The following SRSF11 variants were observed in gnomAD, a reference collection of about 807,000 sequenced individuals.
SRSF11 encodes serine and arginine rich splicing factor 11, also known as serine/arginine-rich splicing factor 11.
In SRSF11, 9 loss-of-function variants were observed where a neutral mutation model predicts 56.0. The observed-to-expected ratio is 0.16, with a 90% CI of 0.10 to 0.28. The LOEUF is 0.28. Among genes scored for constraint, SRSF11 ranks in the 10% least tolerant of loss-of-function variants. The probability of loss-of-function intolerance (pLI) is 1.00; values close to 1 mark genes in which losing one functional copy is unlikely to be tolerated. For missense variants in SRSF11, 421 were observed against 600.7 expected, an observed-to-expected ratio of 0.70 and a Z score of 3.13; for synonymous variants, 222 against 215.3, an observed-to-expected ratio of 1.03 and a Z score of -0.27.
Position 70,221,559 on chromosome 1 carries a change from G to T in SRSF11, c.-78G>T, listed in dbSNP as rs1385973862. 2.0e-6 allele frequency: 3 copies of T among 1,519,022 alleles called. No homozygotes were observed. In the African/African-American group the frequency reaches 4.2e-5, roughly 21 times the overall value. The allele number at this position is 1,519,022 out of a possible 1,614,324, so 94.1% of individuals were successfully genotyped here. A position where few individuals can be genotyped will look rare whatever the true frequency, so the allele number is the denominator to read the frequency against. ...GACACCCTCCTCTCTCCCGCAATCC[G>T]GTTCCTCTTCCCCCTCCTTCTCACT... On this transcript the variant is annotated 5_prime_UTR_variant, in exon 1 of 12. Coordinates refer to ENST00000370949, the MANE Select transcript of SRSF11 (RefSeq NM_001350605.2).
At chr1:70,212,509 GGCCTCCCAA>G (rs1669652368) in intron 1 of SRSF11, among the ~76,000 whole-genome samples, 1 of 152,094 alleles carries the variant, frequency 6.6e-6, no homozygotes, top group Non-Finnish European at 1.5e-5. Flanking sequence ...CACCCACCTT[GGCCTCCCAA>G]AGTGCTGGGA....
intron 2 of SRSF11, chr1:70,229,695 A>T (rs1350975372): frequency 1.0e-6 from 1 of 985,118 alleles, no homozygotes; most frequent in African/African-American, 1.7e-5. Flanking sequence ...GCTATCTGAA[A>T]TCTTTGAAAA....
At chr1:70,233,947 C>T (rs993828575) in intron 3 of SRSF11, among the ~76,000 whole-genome samples, 1 of 152,232 alleles carries the variant, frequency 6.6e-6, no homozygotes, top group African/African-American at 2.4e-5. Flanking sequence ...GAAACAACCA[C>T]TACCTCTGAG....
chr1:70,207,641 A>G (rs531308657), intron 1 of SRSF11, among the ~76,000 whole-genome samples: 3 of 151,732 alleles, frequency 2.0e-5, no homozygotes, highest in African/African-American at 7.3e-5. Flanking sequence ...GGAAGAAACA[A>G]CCCACCTTTG....
At chr1:70,248,201 A>G (rs1677177274) in intron 9 of SRSF11, among the ~76,000 whole-genome samples, 1 of 152,156 alleles carries the variant, frequency 6.6e-6, no homozygotes, top group African/African-American at 2.4e-5. Context: ...TTTTCACAGA[A>G]AAACTTTTAT....
rs1672588314 is a variant in SRSF11, at chr1:70,230,237, A to G, written c.337+1682A>G. 1.1e-5 allele frequency: 11 copies of G among 997,204 alleles called. No individual in the cohort carries two copies. The South Asian group carries it at 4.8e-4, about 44-fold the overall frequency. 61.8% of individuals were successfully genotyped at this position (997,204 alleles called of 1,614,324 possible). On this transcript the variant is annotated intron_variant, in intron 2 of 11. Coordinates refer to ENST00000370949, the MANE Select transcript of SRSF11 (RefSeq NM_001350605.2). ...TGAAGTATTTAGGAATATACAGTAT[A>G]TAGAATTAGGGGAATATTTCATTCA...
chr1:70,242,100 C>T (rs147796603), intron 7 of SRSF11, among the ~76,000 whole-genome samples: 270 of 147,420 alleles, frequency 1.8e-3, no homozygotes, highest in African/African-American at 6.6e-3. Flanking sequence ...ACCCCGGAGG[C>T]GGGGATTGCA....
upstream of SRSF11, among the ~76,000 whole-genome samples, chr1:70,217,455 C>T (rs1459562233): frequency 6.6e-6 from 1 of 152,158 alleles, no homozygotes; most frequent in Non-Finnish European, 1.5e-5. Context: ...CCGCGCCTGG[C>T]TGTGTTGTTT....
At chr1:70,216,243 A>G (rs956624849) in intron 1 of SRSF11, among the ~76,000 whole-genome samples, 2 of 152,112 alleles carry the variant, frequency 1.3e-5, no homozygotes, top group African/African-American at 4.8e-5. Flanking sequence ...ATTATTTGAC[A>G]TGCTTTCCTG....
chr1:70,222,199 C>A (rs1211794619), intron 1 of SRSF11, among the ~76,000 whole-genome samples: 1 of 152,080 alleles, frequency 6.6e-6, no homozygotes, highest in East Asian at 1.9e-4. Flanking sequence ...TTGTTCTTTG[C>A]GTTCTTGGAA....
chr1:70,221,723 C>G lies in SRSF11; in HGVS notation c.87C>G (p.Gly29=). ...GCGGAGGTGGTGGTGGCGGCGGAGG[C>G]GGCGGCACCGAGGTAATCCAGGTGA... ...PGGGGGGGGG[G]GGTEVIQVTN... The change falls in exon 1 of 12, where the codon GGC becomes GGG. Residue 29 remains glycine, a synonymous_variant. Coordinates refer to ENST00000370949, the MANE Select transcript of SRSF11 (RefSeq NM_001350605.2). 1.2e-6 allele frequency: 2 copies of G among 1,613,758 alleles called. No individual in the cohort carries two copies. Among genetic ancestry groups the G allele is most frequent in the Non-Finnish European group, 1.7e-6 (2 of 1,179,792 alleles).
upstream of SRSF11, among the ~76,000 whole-genome samples, chr1:70,217,990 T>C (rs576992030): frequency 5.4e-5 from 8 of 149,018 alleles, no homozygotes; most frequent in African/African-American, 2.0e-4. Context: ...TGTGTGTGTT[T>C]TTTGTTTTTT....
intron 5 of SRSF11, among the ~76,000 whole-genome samples, chr1:70,236,714 C>T (rs1166529761): frequency 2.0e-5 from 3 of 151,000 alleles, no homozygotes; most frequent in Non-Finnish European, 4.4e-5. Context: ...TTTGGTAGGC[C>T]TTTGGCCTCT....
intron 1 of SRSF11, among the ~76,000 whole-genome samples, chr1:70,224,177 G>T (rs3920731): frequency 0.1 from 15,199 of 152,068 alleles, 908 homozygotes; most frequent in East Asian, 0.3. Context: ...CCTGCATCAT[G>T]TTATATAAGA....
At chr1:70,242,626 A>G (rs1185483134) in intron 7 of SRSF11, among the ~76,000 whole-genome samples, 2 of 152,130 alleles carry the variant, frequency 1.3e-5, no homozygotes, top group Non-Finnish European at 1.5e-5. Flanking sequence ...CAAGCATCAC[A>G]TAGTGTGTTA....
chr1:70,240,321 C>A (rs191647706), intron 7 of SRSF11, among the ~76,000 whole-genome samples: 9 of 152,074 alleles, frequency 5.9e-5, no homozygotes, highest in Admixed American at 5.9e-4. Context: ...TCTTTTACTG[C>A]AAGTGCATAC....
chr1:70,242,076 G>A (rs943831755), intron 7 of SRSF11, among the ~76,000 whole-genome samples: 8 of 151,796 alleles, frequency 5.3e-5, no homozygotes, highest in African/African-American at 1.7e-4. Context: ...GGCTGAAGCA[G>A]GAGAATCGCT....
chr1:70,226,131 C>T lies in SRSF11; in HGVS notation c.204-2291C>T, dbSNP rs111578102. On this transcript the variant is annotated intron_variant, in intron 1 of 11. Transcript: ENST00000370949. ...GCTTGAACCTGGGAGGTGGAGGTTG[C>T]GGTGAGCCGAGATCGTGCCATTGCG... Among the ~76,000 whole-genome samples, 481 of 151,454 alleles carry T rather than the reference C, an allele frequency of 3.2e-3. 1 individual carries two copies. Among genetic ancestry groups the T allele is most frequent in the African/African-American group, 0.011 (456 of 41,236 alleles).
chr1:70,222,249 G>A (rs1414331862), intron 1 of SRSF11, among the ~76,000 whole-genome samples: 1 of 152,190 alleles, frequency 6.6e-6, no homozygotes, highest in Non-Finnish European at 1.5e-5. Context: ...TTAATTTGGT[G>A]TTAAACTTTG....
Sources: allele counts gnomAD v4.1 joint callset (sites outside exome capture counted in the v4.1 genomes callset), GRCh38; gene constraint gnomAD v4.1.1; transcripts MANE v1.5; gene names NCBI Gene and HGNC (gene_info 2026-07-23, HGNC 2026-07-21).